ZNF335: variants seen among roughly 807,000 people sequenced by gnomAD.
ZNF335 encodes the protein zinc finger protein 335.
ZNF335 carries 84 observed loss-of-function variants against 145.6 expected under a neutral mutation model. The ratio of observed to expected loss-of-function variants is 0.58; its 90% CI spans 0.48 to 0.69. The LOEUF is 0.69. ZNF335 is among the 30% of genes least tolerant of loss of function. ZNF335 has a pLI of 0.00. For missense variants in ZNF335, 1,865 were observed against 1,809.7 expected (o/e 1.03, Z -0.55); for synonymous variants, 761 against 717.0 (o/e 1.06, Z -0.98).
At position 45,965,179 on chromosome 20, in the gene ZNF335, G is replaced by A. The variant is rs372794976; in HGVS notation, c.1102+449C>T. ...TATAACCTCCATGCATAAATAAAGG[G>A]ACTGGAGATTTAAGCTCCAAGTCAC... On this transcript the variant is annotated intron_variant, in intron 7 of 27. Coordinates refer to ENST00000322927, the MANE Select transcript of ZNF335 (RefSeq NM_022095.4). Among the ~76,000 whole-genome samples, 8 of 151,978 alleles carry A rather than the reference G, an allele frequency of 5.3e-5. No homozygotes were observed. In the South Asian group the frequency reaches 1.5e-3, roughly 28 times the overall value.
chr20:45,950,169 G>A (rs1419967044), intron 22 of ZNF335, 50 bp downstream of exon 22: 1 of 1,579,506 alleles, frequency 6.3e-7, no homozygotes, highest in Non-Finnish European at 8.6e-7. Context: ...AGTGGCCCAA[G>A]TCTCTGGATC....
rs2060428502 is a variant in ZNF335 at position 45,967,960 on chromosome 20, C to T, written c.588G>A (p.Leu196=). 1 of 1,612,906 alleles carries T rather than the reference C, an allele frequency of 6.2e-7. No homozygotes were observed. The highest frequency in any genetic ancestry group is 1.3e-5 in the African/African-American group (1 of 75,056). ...LAHSLAAIEA[L]ADGPTSTSTC... is the part of the protein sequence containing the mutation. ...TGGATGTGGATGTGGGGCCATCTGCCAGGGCCTCAATGGCTGCTAGGCTGT... is the reference window on the plus strand; with the variant it reads ...TGGATGTGGATGTGGGGCCATCTGCTAGGGCCTCAATGGCTGCTAGGCTGT... Residue 196 remains leucine (L), a synonymous_variant, in exon 5 of 28, where the codon CTG becomes CTA. Transcript: ENST00000322927.
In ZNF335 at chr20:45,969,564, C is replaced by A. The variant is rs531909331; in HGVS notation, c.329G>T (p.Ser110Ile). Residue 110 changes from serine (S) to isoleucine (I), a missense_variant, in exon 3 of 28, where the codon AGT (serine) becomes ATT (isoleucine). Coordinates refer to ENST00000322927, the MANE Select transcript of ZNF335 (RefSeq NM_022095.4). ...CAGCATGTTGGGGTCTGGGAGTGCA[C>A]TAGAGTGCACAAGTGCTGGGGGACC... is the stretch of plus-strand genomic sequence containing the variant. Reference protein sequence around the residue: ...TGGPPALVHSSALPDPNMLVS... With the variant: ...TGGPPALVHSIALPDPNMLVS... The A allele has an allele frequency of 8.5e-4, 1,364 of 1,602,776 alleles. 15 individuals carry two copies. In the South Asian group the frequency reaches 0.014, roughly 17 times the overall value.
At position 45,957,827 on chromosome 20, in the gene ZNF335, G is replaced by A. The variant is rs1223377105; in HGVS notation, c.2347+8C>T. On this transcript the variant is annotated splice_region_variant and intron_variant, in intron 16 of 27. Transcript: ENST00000322927. ...CTCCATGAGCTCCTATCCTCCTACA[G>A]AGCTCACCTTGCTGGTAGATGATGG... The A allele has an allele frequency of 6.2e-7, 1 of 1,613,596 alleles. No individual in the cohort carries two copies. The highest frequency in any genetic ancestry group is 1.3e-5 in the African/African-American group (1 of 74,830).
intron 6 of ZNF335, among the ~76,000 whole-genome samples, chr20:45,966,590 G>A (rs529250146): frequency 1.4e-5 from 2 of 146,058 alleles, no homozygotes; most frequent in Admixed American, 6.9e-5. Context: ...TTGCTCTGTC[G>A]CCCAGGCTGG....
intron 20 of ZNF335, among the ~76,000 whole-genome samples, chr20:45,951,416 G>A (rs1391838166): frequency 1.3e-5 from 2 of 152,238 alleles, no homozygotes; most frequent in Non-Finnish European, 2.9e-5. Context: ...CAACCACCTC[G>A]AACCTCTGTG....
rs375614640 is a variant in ZNF335 at position 45,965,686 on chromosome 20, T to A, written c.1044A>T (p.Arg348=). Residue 348 remains arginine (R), a synonymous_variant, in exon 7 of 28, where the codon CGA becomes CGT. Coordinates refer to ENST00000322927, the MANE Select transcript of ZNF335 (RefSeq NM_022095.4). The part of the protein sequence containing the change: ...QRPTPSTPRP[R]RRPGRPRKLP... ...GCTTCCGGGGCCGGCCAGGTCTCCT[T>A]CGGGGCCTTGGGGTACTGGGGGTGG... is the stretch of plus-strand genomic sequence containing the variant. 35 of 1,601,462 alleles carry A rather than the reference T, an allele frequency of 2.2e-5. No individual in the cohort carries two copies. Among genetic ancestry groups the A allele is most frequent in the African/African-American group, 5.4e-5 (4 of 73,660 alleles).
intron 17 of ZNF335, among the ~76,000 whole-genome samples, chr20:45,956,476 C>T (rs1463553505): frequency 1.3e-5 from 2 of 152,176 alleles, no homozygotes; most frequent in African/African-American, 2.4e-5. Flanking sequence ...GATCCAGCCA[C>T]CTTGGCGTCC....
intron 1 of ZNF335, 61 bp from the exon 2 acceptor site, chr20:45,971,521 C>A: frequency 1.3e-6 from 2 of 1,511,744 alleles, no homozygotes; most frequent in Non-Finnish European, 8.8e-7. Flanking sequence ...CCGGCAACCA[C>A]GGCCACCCAT....
At chr20:45,962,805 T>TC (rs1298033088) in intron 9 of ZNF335, among the ~76,000 whole-genome samples, 1 of 102,866 alleles carries the variant, frequency 9.7e-6, no homozygotes, top group Non-Finnish European at 2.1e-5. Flanking sequence ...GGAACCGTTT[T>TC]TTTTTTTTTG....
chr20:45,960,258 C>A lies in ZNF335; in HGVS notation c.1970G>T (p.Arg657Leu), dbSNP rs368892465. ...KPFKCSFCPY[R>L]TFREDFLLSH... ...CAGCAAGAAGTCCTCTCGGAAGGTG[C>A]GGTAGGGACAAAAGCTGCATTTGAA... Residue 657 changes from arginine (R) to leucine (L), a missense_variant, in exon 14 of 28, where the codon CGC becomes CTC. Transcript: ENST00000322927. 6.2e-7 allele frequency: 1 copy of A among 1,614,128 alleles called. No individual in the cohort carries two copies. Among genetic ancestry groups the A allele is most frequent in the Non-Finnish European group, 8.5e-7 (1 of 1,180,030 alleles).
At chr20:45,960,156 G>A in intron 14 of ZNF335, 52 bp downstream of exon 14, 1 of 1,601,864 alleles carries the variant, frequency 6.2e-7, no homozygotes, top group Non-Finnish European at 8.5e-7. Flanking sequence ...TCTGATCAGG[G>A]GTACAGGGCA....
In ZNF335 at chr20:45,958,470, T is replaced by A. The variant is rs114357159; in HGVS notation, c.2254-542A>T. On this transcript the variant is annotated intron_variant, in intron 15 of 27. Transcript: ENST00000322927. Reference sequence around the variant, plus strand: ...ATAGTAGGGTGAGGGCTTGAACCCATGACTGTGTGATTCCAGGGCCTGTGA... The same window carrying A: ...ATAGTAGGGTGAGGGCTTGAACCCAAGACTGTGTGATTCCAGGGCCTGTGA... Among the ~76,000 whole-genome samples, 448 of 152,316 alleles carry A rather than the reference T, an allele frequency of 2.9e-3. 4 individuals carry two copies. The highest frequency in any genetic ancestry group is 0.01 in the Middle Eastern group (3 of 294).
rs186071637 is a variant in ZNF335, at chr20:45,959,990, C to T, written c.2020+218G>A. On this transcript the variant is annotated intron_variant, in intron 14 of 27. Coordinates refer to ENST00000322927, the MANE Select transcript of ZNF335 (RefSeq NM_022095.4). Reference sequence around the variant, plus strand: ...GGAAGGCTCGGAGAGGGCAAGCGACCGGCCCAGAGCCATCCAGAGAACAAC... The same window carrying T: ...GGAAGGCTCGGAGAGGGCAAGCGACTGGCCCAGAGCCATCCAGAGAACAAC... Among the ~76,000 whole-genome samples the T allele has an allele frequency of 3.7e-3, 567 of 152,360 alleles. 28 individuals carry two copies. The highest frequency in any genetic ancestry group is 0.033 in the Admixed American group (506 of 15,300).
rs2084016686 is a variant in ZNF335 at position 45,969,450 on chromosome 20, C to T, written c.442+1G>A. ...CTGTGGGGCTCCTCTGCCTGACTCA[C>T]TCTGGATGAGGTCGGGCCCGATGGT... is the stretch of plus-strand genomic sequence containing the variant. On this transcript the variant is annotated splice_donor_variant, in intron 3 of 27. Transcript: ENST00000322927. LOFTEE classifies it high-confidence loss of function. The T allele has an allele frequency of 2.0e-6, 3 of 1,524,048 alleles. No homozygotes were observed. The highest frequency in any genetic ancestry group is 2.7e-6 in the Non-Finnish European group (3 of 1,124,780). 94.4% of individuals were successfully genotyped at this position (1,524,048 alleles called of 1,614,324 possible).
chr20:45,965,030 A>AGAT (rs1555850083), intron 7 of ZNF335, among the ~76,000 whole-genome samples: 1 of 141,378 alleles, frequency 7.1e-6, no homozygotes, highest in Non-Finnish European at 1.5e-5. Flanking sequence ...CTCTGTCTCA[A>AGAT]AATAATAATA....
chr20:45,958,054 TC>T (rs2083761951), intron 15 of ZNF335, 126 bp from the exon 16 acceptor site: 4 of 719,340 alleles, frequency 5.6e-6, no homozygotes, highest in Non-Finnish European at 9.3e-6. Flanking sequence ...TAACCACTTT[TC>T]TTTTTTTTTT....
Position 45,959,345 on chromosome 20 carries a change from G to C in ZNF335, c.2109C>G (p.Ser703Arg). 6.3e-7 allele frequency: 1 copy of C among 1,585,960 alleles called. No individual in the cohort carries two copies. Among genetic ancestry groups the C allele is most frequent in the Non-Finnish European group, 8.6e-7 (1 of 1,163,390 alleles). The change falls in exon 15 of 28, where the codon AGC (serine) becomes AGG (arginine). Residue 703 changes from serine (S) to arginine (R), a missense_variant. Coordinates refer to ENST00000322927, the MANE Select transcript of ZNF335 (RefSeq NM_022095.4). ...LRLHVRCRHA[S>R]SFEEWGRRHP... ...GGCGCCTCCCCCATTCCTCGAAGCT[G>C]CTTGCGTGTCGGCACCGTACGTGCA...
chr20:45,963,372 C>T, intron 9 of ZNF335, 101 bp downstream of exon 9: 1 of 1,354,400 alleles, frequency 7.4e-7, no homozygotes, highest in Non-Finnish European at 1.0e-6. Context: ...AGAGCGTGAC[C>T]CAGAATGCTC....
Sources: gnomAD v4.1 joint callset for allele counts (sites outside exome capture counted in the v4.1 genomes callset) on GRCh38, gnomAD v4.1.1 for gene constraint, MANE v1.5 for transcripts, NCBI Gene and HGNC (gene_info 2026-07-23, HGNC 2026-07-21) for gene names.